KCNIP4: variants seen among roughly 807,000 people sequenced by gnomAD.
KCNIP4 encodes the protein Kv channel-interacting protein 4.
KCNIP4 carries 12 observed loss-of-function variants against 34.0 expected under a neutral mutation model. That is an observed-to-expected ratio of 0.35 (90% CI 0.23 to 0.57). KCNIP4 has a LOEUF of 0.57. Among genes scored for constraint, KCNIP4 ranks in the 20% least tolerant of loss-of-function variants. The pLI is 0.83. For missense variants in KCNIP4, 238 were observed against 311.7 expected, an observed-to-expected ratio of 0.76 and a Z score of 1.78; for synonymous variants, 124 against 102.2, an observed-to-expected ratio of 1.21 and a Z score of -1.29.
At chr4:20,872,476 A>G (rs1398915142) in intron 2 of KCNIP4, among the ~76,000 whole-genome samples, 1 of 152,196 alleles carries the variant, frequency 6.6e-6, no homozygotes, top group Non-Finnish European at 1.5e-5. Flanking sequence ...CTAAGCAGAT[A>G]AAAAAACAAT....
At chr4:20,829,575 G>T (rs1163047166) in intron 3 of KCNIP4, among the ~76,000 whole-genome samples, 1 of 152,072 alleles carries the variant, frequency 6.6e-6, no homozygotes, top group Non-Finnish European at 1.5e-5. Context: ...GGTGGGGCCT[G>T]GTCCTTGTAG....
chr4:21,281,201 C>T (rs753859844), intron 1 of KCNIP4, among the ~76,000 whole-genome samples: 2 of 151,594 alleles, frequency 1.3e-5, no homozygotes, highest in African/African-American at 2.4e-5. Context: ...ACTCTCCTTC[C>T]TCAGCCTCCC....
chr4:21,539,784 G>A (rs1737520109), intron 1 of KCNIP4, among the ~76,000 whole-genome samples: 1 of 152,018 alleles, frequency 6.6e-6, no homozygotes, highest in Non-Finnish European at 1.5e-5. Flanking sequence ...TATAAGACCA[G>A]CCTGGCCAAC....
chr4:21,810,011 A>G (rs1376166893), intron 1 of KCNIP4, among the ~76,000 whole-genome samples: 1 of 152,066 alleles, frequency 6.6e-6, no homozygotes, highest in Admixed American at 6.6e-5. Context: ...AAATGGCAGC[A>G]ACCGTTTTAC....
At chr4:21,752,173 G>A (rs1222836526) in intron 1 of KCNIP4, among the ~76,000 whole-genome samples, 2 of 152,120 alleles carry the variant, frequency 1.3e-5, no homozygotes, top group Non-Finnish European at 2.9e-5. Context: ...AGAAATAGTG[G>A]AAGGAATGGA....
chr4:21,883,168 T>C (rs1382942069), intron 1 of KCNIP4, among the ~76,000 whole-genome samples: 1 of 151,332 alleles, frequency 6.6e-6, no homozygotes, highest in East Asian at 1.9e-4. Context: ...TGTTTTTTTT[T>C]TTTTTTTATA....
chr4:20,887,034 G>C (rs1314345607), intron 1 of KCNIP4, among the ~76,000 whole-genome samples: 2 of 151,846 alleles, frequency 1.3e-5, no homozygotes, highest in African/African-American at 4.8e-5. Context: ...GTCATAATAA[G>C]TAAAGAAAAA....
chr4:21,757,757 G>C (rs1229883612), intron 1 of KCNIP4, among the ~76,000 whole-genome samples: 1 of 152,190 alleles, frequency 6.6e-6, no homozygotes, highest in Non-Finnish European at 1.5e-5. Flanking sequence ...AGTGTTCATT[G>C]AATTTAAATC....
chr4:20,886,322 G>C (rs1435939102), intron 1 of KCNIP4, among the ~76,000 whole-genome samples: 1 of 152,178 alleles, frequency 6.6e-6, no homozygotes, highest in Non-Finnish European at 1.5e-5. Flanking sequence ...CAGGGAGGTA[G>C]AGCTCATAGT....
intron 1 of KCNIP4, among the ~76,000 whole-genome samples, chr4:21,732,591 T>C (rs1715688952): frequency 6.6e-6 from 1 of 152,144 alleles, no homozygotes; most frequent in Non-Finnish European, 1.5e-5. Context: ...GGGGGCATCC[T>C]ACCCTTCACT....
At chr4:21,698,373 T>G (rs186368510) in intron 1 of KCNIP4, among the ~76,000 whole-genome samples, 252 of 152,318 alleles carry the variant, frequency 1.7e-3, no homozygotes, top group African/African-American at 5.5e-3. Flanking sequence ...TGCGTTGTCC[T>G]AAGAGAAAGA....
chr4:21,169,884 CATA>C (rs1753893027), intron 1 of KCNIP4, among the ~76,000 whole-genome samples: 1 of 151,996 alleles, frequency 6.6e-6, no homozygotes. Flanking sequence ...AGTTATTTCC[CATA>C]ATAATTTCTT....
At chr4:21,240,883 T>A (rs1425338) in intron 1 of KCNIP4, among the ~76,000 whole-genome samples, 4,039 of 152,064 alleles carry the variant, frequency 0.027, 128 homozygotes, top group South Asian at 0.17. Context: ...GTTTTTCTTC[T>A]CAAAGTCTAC....
At chr4:21,071,392 A>G (rs1744904339) in intron 1 of KCNIP4, among the ~76,000 whole-genome samples, 1 of 152,148 alleles carries the variant, frequency 6.6e-6, no homozygotes, top group South Asian at 2.1e-4. Flanking sequence ...ACCTTTGACC[A>G]AAGGTGGTTG....
chr4:20,839,708 T>C (rs1252246378), intron 3 of KCNIP4, among the ~76,000 whole-genome samples: 1 of 152,116 alleles, frequency 6.6e-6, no homozygotes, highest in Non-Finnish European at 1.5e-5. Flanking sequence ...ATTTTGAGTG[T>C]TGTCATGAGA....
chr4:20,971,546 G>A (rs1376168778), intron 1 of KCNIP4, among the ~76,000 whole-genome samples: 2 of 151,906 alleles, frequency 1.3e-5, no homozygotes, highest in East Asian at 1.9e-4. Flanking sequence ...GTGTGCAATA[G>A]CATTATGTCT....
chr4:21,231,261 CA>C (rs1348540030), intron 1 of KCNIP4, among the ~76,000 whole-genome samples: 7 of 151,948 alleles, frequency 4.6e-5, no homozygotes, highest in Non-Finnish European at 1.0e-4. Flanking sequence ...TTTCTTAATG[CA>C]AAAAAATTAA....
intron 1 of KCNIP4, among the ~76,000 whole-genome samples, chr4:21,212,963 C>A (rs1214117980): frequency 1.3e-5 from 2 of 152,088 alleles, no homozygotes; most frequent in Non-Finnish European, 2.9e-5. Context: ...ATTAAAATTT[C>A]ATTGGAGAGG....
At chr4:21,397,296 T>C (rs954598991) in intron 1 of KCNIP4, among the ~76,000 whole-genome samples, 1 of 152,240 alleles carries the variant, frequency 6.6e-6, no homozygotes, top group Non-Finnish European at 1.5e-5. Flanking sequence ...ACTCCATTGA[T>C]GTTTCAATAT....
Sources: allele counts gnomAD v4.1 joint callset (sites outside exome capture counted in the v4.1 genomes callset), GRCh38; gene constraint gnomAD v4.1.1; transcripts MANE v1.5; gene names NCBI Gene and HGNC (gene_info 2026-07-23, HGNC 2026-07-21).